PGM5: variants seen among roughly 807,000 people sequenced by gnomAD.
PGM5 encodes the protein phosphoglucomutase 5, also known as phosphoglucomutase-like protein 5.
PGM5 carries 23 observed loss-of-function variants against 59.2 expected under a neutral mutation model. That is an observed-to-expected ratio of 0.39 (90% CI 0.28 to 0.55). PGM5 has a LOEUF of 0.55. PGM5 is among the 20% of genes least tolerant of loss of function. The pLI is 0.66. For synonymous variants in PGM5, 214 were observed against 286.0 expected (o/e 0.75, Z 2.54); for missense variants, 574 against 748.3 (o/e 0.77, Z 2.72).
chr9:68,509,238 G>A (rs1230269922), intron 10 of PGM5, among the ~76,000 whole-genome samples: 5 of 152,222 alleles, frequency 3.3e-5, no homozygotes, highest in Admixed American at 6.5e-5. Flanking sequence ...TCCCAGGAAC[G>A]CTGGCAGGCC....
At chr9:68,514,743 C>A (rs1171116773) in intron 10 of PGM5, among the ~76,000 whole-genome samples, 2 of 152,206 alleles carry the variant, frequency 1.3e-5, no homozygotes, top group Non-Finnish European at 2.9e-5. Flanking sequence ...ACCAGACAAA[C>A]CCTCTAATGC....
intron 6 of PGM5, among the ~76,000 whole-genome samples, chr9:68,456,686 G>A (rs1481335610): frequency 1.4e-5 from 2 of 143,400 alleles, no homozygotes; most frequent in Non-Finnish European, 1.5e-5. Context: ...GTACAATGGT[G>A]CAATCTCGGC....
At chr9:68,391,909 A>G (rs1278987907) in intron 5 of PGM5, among the ~76,000 whole-genome samples, 185 bp downstream of exon 5, 1 of 152,152 alleles carries the variant, frequency 6.6e-6, no homozygotes, top group Non-Finnish European at 1.5e-5. Flanking sequence ...TACTTTTCTT[A>G]GTTCCAGATT....
chr9:68,511,700 G>A (rs562306846), intron 10 of PGM5, among the ~76,000 whole-genome samples: 16 of 151,574 alleles, frequency 1.1e-4, no homozygotes, highest in Non-Finnish European at 1.3e-4. Context: ...ACAGGCATGC[G>A]TCACCATGCC....
At chr9:68,443,588 A>G (rs1554683819) in intron 6 of PGM5, among the ~76,000 whole-genome samples, 1 of 152,202 alleles carries the variant, frequency 6.6e-6, no homozygotes, top group Non-Finnish European at 1.5e-5. Context: ...CTCTGGAGCA[A>G]CTACCAATGC....
rs200248826 is a variant in PGM5, at chr9:68,444,061, T to C, written c.1044-21032T>C. On this transcript the variant is annotated intron_variant, in intron 6 of 10. Coordinates refer to ENST00000396396, the MANE Select transcript of PGM5 (RefSeq NM_021965.4). ...AGAAGAGTCTCTCTCTTTCTTTCTT[T>C]CTTTTTTTTTTTTTTTTGGATCACT... 4.0e-5 allele frequency among the ~76,000 whole-genome samples: 6 copies of C among 150,452 alleles called. No individual in the cohort carries two copies. In the East Asian group the frequency reaches 1.2e-3, roughly 29 times the overall value.
At chr9:68,402,438 G>T (rs544013815) in intron 6 of PGM5, 55 of 152,336 alleles carry the variant, frequency 3.6e-4, no homozygotes, top group Admixed American at 1.1e-3. Context: ...CTAGTTCCCA[G>T]CATAGAGGTT....
At chr9:68,377,124 A>G (rs1402486178) in intron 1 of PGM5, among the ~76,000 whole-genome samples, 3 of 151,918 alleles carry the variant, frequency 2.0e-5, no homozygotes, top group Non-Finnish European at 4.4e-5. Flanking sequence ...ATAGGGTTTC[A>G]CCACTTTGGC....
intron 10 of PGM5, among the ~76,000 whole-genome samples, chr9:68,511,132 T>C (rs1463142435): frequency 6.6e-6 from 1 of 152,208 alleles, no homozygotes; most frequent in African/African-American, 2.4e-5. Flanking sequence ...AGAAGGCCGA[T>C]TTCCCCCACA....
chr9:68,452,995 C>G (rs1823721338), intron 6 of PGM5, among the ~76,000 whole-genome samples: 1 of 152,238 alleles, frequency 6.6e-6, no homozygotes. Context: ...GACCCCACCA[C>G]TATCATAGTC....
At chr9:68,408,909 G>C (rs2132036786) in intron 6 of PGM5, among the ~76,000 whole-genome samples, 1 of 151,996 alleles carries the variant, frequency 6.6e-6, no homozygotes, top group Non-Finnish European at 1.5e-5. Flanking sequence ...TATTTCTGAG[G>C]GCTCTGTTCT....
In PGM5 at chr9:68,499,288, G is replaced by A. The variant is rs932029186; in HGVS notation, c.1541G>A (p.Gly514Asp). ...ATCTTCCGGCTCAGTTCCTCCAGTG[G>A]TGTGCGGGCCACCCTCAGACTGTAC... ...RLIFRLSSSS[G>D]VRATLRLYAE... Residue 514 changes from glycine to aspartate, a missense_variant, in exon 10 of 11, where the codon GGT (glycine) becomes GAT (aspartate). This residue lies in a region of PGM5 where 300 missense variants were observed against 280.0 expected (regional missense o/e 1.07). Transcript: ENST00000396396. 7 of 1,614,168 alleles carry A rather than the reference G, an allele frequency of 4.3e-6. No individual in the cohort carries two copies. Among genetic ancestry groups the A allele is most frequent in the Non-Finnish European group, 5.1e-6 (6 of 1,180,028 alleles).
At chr9:68,390,760 C>A (rs2132009562) in intron 4 of PGM5, among the ~76,000 whole-genome samples, 1 of 152,320 alleles carries the variant, frequency 6.6e-6, no homozygotes, top group East Asian at 1.9e-4. Flanking sequence ...CACTTGCCAA[C>A]TTTATATTAT....
chr9:68,384,201 G>A (rs1563987847), intron 2 of PGM5, among the ~76,000 whole-genome samples, 197 bp from the exon 3 acceptor site: 2 of 151,918 alleles, frequency 1.3e-5, no homozygotes, highest in Non-Finnish European at 2.9e-5. Flanking sequence ...CATAGAACAG[G>A]TGAGGCTGAT....
intron 3 of PGM5, among the ~76,000 whole-genome samples, chr9:68,386,800 G>A (rs1822231757): frequency 6.6e-6 from 1 of 152,028 alleles, no homozygotes; most frequent in African/African-American, 2.4e-5. Context: ...TCACATAAAT[G>A]AATAAAACTT....
intron 1 of PGM5, 61 bp downstream of exon 1, chr9:68,357,449 T>C: frequency 6.5e-7 from 1 of 1,530,170 alleles, no homozygotes; most frequent in Non-Finnish European, 8.8e-7. Flanking sequence ...TCCTAGCCCT[T>C]GTCCCCCTGC....
At chr9:68,525,460 T>C (rs1286810436) in intron 10 of PGM5, among the ~76,000 whole-genome samples, 2 of 152,144 alleles carry the variant, frequency 1.3e-5, no homozygotes, top group Non-Finnish European at 2.9e-5. Context: ...CCCCATAGGA[T>C]TGGAATGGAG....
chr9:68,458,147 G>C lies in PGM5; in HGVS notation c.1044-6946G>C, dbSNP rs1404529675. On this transcript the variant is annotated intron_variant, in intron 6 of 10. Coordinates refer to ENST00000396396, the MANE Select transcript of PGM5 (RefSeq NM_021965.4). ...GTCCAGATTATTTAACAGTTGAAGAGAGTGAACCTGTGGTAGTTTCAATTT... is the reference window on the plus strand; with the variant it reads ...GTCCAGATTATTTAACAGTTGAAGACAGTGAACCTGTGGTAGTTTCAATTT... 2.6e-5 allele frequency among the ~76,000 whole-genome samples: 4 copies of C among 152,330 alleles called. No individual in the cohort carries two copies. In the South Asian group the frequency reaches 6.2e-4, roughly 24 times the overall value.
At chr9:68,529,368 T>C (rs1825043899) in intron 10 of PGM5, among the ~76,000 whole-genome samples, 199 bp from the exon 11 acceptor site, 1 of 152,132 alleles carries the variant, frequency 6.6e-6, no homozygotes, top group Admixed American at 6.5e-5. Flanking sequence ...ACTTTGGAGA[T>C]CACCTTCTCC....
Sources: gnomAD v4.1 joint callset for allele counts (sites outside exome capture counted in the v4.1 genomes callset) on GRCh38, gnomAD v4.1.1 for gene constraint, gnomAD v4.1.1 regional missense constraint, MANE v1.5 for transcripts, NCBI Gene and HGNC (gene_info 2026-07-23, HGNC 2026-07-21) for gene names.